The following AK7 variants were observed in gnomAD, a reference collection of about 807,000 sequenced individuals.
The protein encoded by AK7 is ATP-AMP transphosphorylase 7.
AK7 carries 78 observed loss-of-function variants against 96.6 expected under a neutral mutation model. The ratio of observed to expected loss-of-function variants is 0.81; its 90% CI spans 0.67 to 0.97. AK7 has a LOEUF of 0.97. Among genes scored for constraint, AK7 ranks in the 50% least tolerant of loss-of-function variants. The pLI, the probability that AK7 is intolerant of heterozygous loss-of-function variation, is 0.00. For synonymous variants in AK7, 302 were observed against 317.2 expected (o/e 0.95, Z 0.51); for missense variants, 855 against 887.9 (o/e 0.96, Z 0.47).
intron 4 of AK7, among the ~76,000 whole-genome samples, chr14:96,418,325 A>AAAAAAAAAAAAAAAAAAAAAAAAAAAAC (rs1891470526): frequency 7.0e-6 from 1 of 142,256 alleles, no homozygotes; most frequent in Non-Finnish European, 1.5e-5. Context: ...CCTTGTCTAA[A>AAAAAAAAAAAAAAAAAAAAAAAAAAAAC]AAAAAAAAAA....
chr14:96,454,020 C>T (rs1368438854), intron 10 of AK7, among the ~76,000 whole-genome samples: 1 of 152,136 alleles, frequency 6.6e-6, no homozygotes, highest in East Asian at 1.9e-4. Context: ...CACTCCTCAC[C>T]AGAACCATCC....
chr14:96,487,936 G>A (rs1285506540), intron 17 of AK7: 1 of 336,296 alleles, frequency 3.0e-6, no homozygotes, highest in African/African-American at 2.2e-5. Context: ...TTTTGATATA[G>A]AGTTTCACTC....
chr14:96,428,199 T>C (rs1362485634), intron 5 of AK7, among the ~76,000 whole-genome samples: 1 of 151,666 alleles, frequency 6.6e-6, no homozygotes, highest in Non-Finnish European at 1.5e-5. Context: ...CACTTATGAG[T>C]GAGAACATGT....
chr14:96,434,764 G>T (rs1055349365), intron 5 of AK7, among the ~76,000 whole-genome samples: 11 of 152,162 alleles, frequency 7.2e-5, no homozygotes, highest in African/African-American at 2.7e-4. Flanking sequence ...AAGTCTACCT[G>T]GCGTTCTATT....
Position 96,446,623 on chromosome 14 carries a change from C to T in AK7, c.870+16C>T, listed in dbSNP as rs757335780. The T allele has an allele frequency of 1.2e-6, 2 of 1,607,478 alleles. No homozygotes were observed. Among genetic ancestry groups the T allele is most frequent in the Admixed American group, 3.3e-5 (2 of 59,994 alleles). On this transcript the variant is annotated intron_variant, in intron 8 of 17. Coordinates refer to ENST00000267584, the MANE Select transcript of AK7 (RefSeq NM_152327.5). ...CATAGTCAAGGTACAGTGGTTTCATCCCATACTTTGATGACATATCGTAAA... is the reference window on the plus strand; with the variant it reads ...CATAGTCAAGGTACAGTGGTTTCATTCCATACTTTGATGACATATCGTAAA...
intron 4 of AK7, among the ~76,000 whole-genome samples, chr14:96,418,018 C>T (rs1036096626): frequency 1.3e-5 from 2 of 151,958 alleles, no homozygotes; most frequent in Non-Finnish European, 2.9e-5. Context: ...ACTTTGCAGT[C>T]CTGCTTTAAA....
At chr14:96,412,591 A>G (rs1227500538) in intron 4 of AK7, among the ~76,000 whole-genome samples, 1 of 146,534 alleles carries the variant, frequency 6.8e-6, no homozygotes, top group Non-Finnish European at 1.5e-5. Flanking sequence ...TTTTTGAGAC[A>G]GTCTTGCTAT....
At chr14:96,453,327 G>T (rs1893712690) in intron 10 of AK7, among the ~76,000 whole-genome samples, 1 of 152,212 alleles carries the variant, frequency 6.6e-6, no homozygotes, top group African/African-American at 2.4e-5. Flanking sequence ...ACACTTTGAA[G>T]AGACCGTATG....
intron 5 of AK7, among the ~76,000 whole-genome samples, chr14:96,422,336 G>A (rs981916703): frequency 6.6e-6 from 1 of 152,216 alleles, no homozygotes; most frequent in South Asian, 2.1e-4. Flanking sequence ...AGCAGTAACA[G>A]TTGCAGCCAA....
rs781331354 is a variant in AK7, at chr14:96,449,894, TG to T, written c.948+16del. On this transcript the variant is annotated intron_variant, in intron 9 of 17. Coordinates refer to ENST00000267584, the MANE Select transcript of AK7 (RefSeq NM_152327.5). ...AGGACTTAACGGTTAGTATATGCGG[TG>T]TTTTTTTTTTTTTAACTATCTTTCT... 1.0e-5 allele frequency: 14 copies of T among 1,404,154 alleles called. No homozygotes were observed. The highest frequency in any genetic ancestry group is 2.6e-5 in the Admixed American group (1 of 37,962). The allele number at this position is 1,404,154 out of a possible 1,614,324, so 87.0% of individuals were successfully genotyped here.
intron 14 of AK7, among the ~76,000 whole-genome samples, chr14:96,476,377 C>T (rs991385771): frequency 1.3e-5 from 2 of 151,932 alleles, no homozygotes; most frequent in African/African-American, 2.4e-5. Flanking sequence ...CGGTGGTGCA[C>T]GCCTATAATC....
rs561795570 is a variant in AK7 at position 96,397,760 on chromosome 14, A to G, written c.106-315A>G. On this transcript the variant is annotated intron_variant, in intron 1 of 17. Coordinates refer to ENST00000267584, the MANE Select transcript of AK7 (RefSeq NM_152327.5). ...CCTATGTGGCTCCTATTACATTTCT[A>G]TATTTCTGTTGGACAACACAAACAT... 2.6e-5 allele frequency among the ~76,000 whole-genome samples: 4 copies of G among 152,316 alleles called. No individual in the cohort carries two copies. The East Asian group carries it at 5.8e-4, about 22-fold the overall frequency.
In AK7 at chr14:96,404,050, A is replaced by G. The variant is rs534084219; in HGVS notation, c.295-707A>G. 1.4e-4 allele frequency among the ~76,000 whole-genome samples: 21 copies of G among 149,546 alleles called. No homozygotes were observed. In the South Asian group the frequency reaches 4.6e-3, roughly 33 times the overall value. ...TCCCAGCTACTTGGGAGGCTGAGGT[A>G]TGAGAACCACTTGGACCTGGGAGGG... On this transcript the variant is annotated intron_variant, in intron 2 of 17. Transcript: ENST00000267584.
chr14:96,423,836 C>T, intron 5 of AK7: 2 of 789,228 alleles, frequency 2.5e-6, no homozygotes, highest in East Asian at 2.6e-5. Context: ...GTCTCCGGAG[C>T]GGTTGCTGAG....
At chr14:96,451,667 C>T (rs1019266793) in intron 10 of AK7, 97 bp downstream of exon 10, 76 of 1,223,990 alleles carry the variant, frequency 6.2e-5, no homozygotes, top group Non-Finnish European at 7.5e-5. Context: ...CTTTTTCAGA[C>T]GTTCAAATTT....
At chr14:96,393,239 C>G (rs1889860595) in intron 1 of AK7, among the ~76,000 whole-genome samples, 1 of 152,224 alleles carries the variant, frequency 6.6e-6, no homozygotes, top group Non-Finnish European at 1.5e-5. Context: ...ATTCTGTCCT[C>G]TAGAGCTACA....
intron 2 of AK7, among the ~76,000 whole-genome samples, chr14:96,401,861 A>G (rs1263850046): frequency 6.6e-6 from 1 of 152,104 alleles, no homozygotes; most frequent in Non-Finnish European, 1.5e-5. Context: ...AGACAAAATC[A>G]TGTCTTTCTC....
intron 14 of AK7, among the ~76,000 whole-genome samples, chr14:96,474,924 G>A (rs1170996328): frequency 6.6e-6 from 1 of 152,206 alleles, no homozygotes. Flanking sequence ...AGAAGCTAAA[G>A]CCTAGAGATT....
chr14:96,463,228 T>G (rs939915392), intron 12 of AK7, among the ~76,000 whole-genome samples: 1 of 152,150 alleles, frequency 6.6e-6, no homozygotes, highest in Non-Finnish European at 1.5e-5. Flanking sequence ...GACTCATGAA[T>G]TAACATTGCG....
Sources: gnomAD v4.1 joint callset for allele counts (sites outside exome capture counted in the v4.1 genomes callset) on GRCh38, gnomAD v4.1.1 for gene constraint, MANE v1.5 for transcripts, NCBI Gene and HGNC (gene_info 2026-07-23, HGNC 2026-07-21) for gene names.